MACC1: variants seen among roughly 807,000 people sequenced by gnomAD.
MACC1 encodes MET transcriptional regulator MACC1.
A neutral mutation model predicts 70.7 loss-of-function variants in MACC1; 79 were observed. The observed-to-expected ratio is 1.12, with a 90% CI of 0.93 to 1.35. The LOEUF (loss-of-function observed/expected upper bound fraction) is 1.35. MACC1 is among the 40% of genes most tolerant of loss of function. MACC1 has a pLI of 0.00. For missense variants in MACC1, 1,106 were observed against 978.1 expected, an observed-to-expected ratio of 1.13 and a Z score of -1.74; for synonymous variants, 361 against 347.2, an observed-to-expected ratio of 1.04 and a Z score of -0.44.
At chr7:20,155,202 C>T (rs910053061) in intron 5 of MACC1, among the ~76,000 whole-genome samples, 31 of 152,158 alleles carry the variant, frequency 2.0e-4, no homozygotes, top group African/African-American at 6.5e-4. Flanking sequence ...TTCAAATGAG[C>T]AAATAGAGTA....
intron 5 of MACC1, among the ~76,000 whole-genome samples, chr7:20,158,000 T>G (rs1281027996): frequency 1.3e-5 from 2 of 152,180 alleles, no homozygotes; most frequent in Non-Finnish European, 2.9e-5. Context: ...TCCTGGTTTT[T>G]GGGGAAATCA....
intron 5 of MACC1, among the ~76,000 whole-genome samples, chr7:20,154,771 T>C (rs944035159): frequency 3.9e-4 from 60 of 152,222 alleles, no homozygotes; most frequent in African/African-American, 1.4e-3. Context: ...TCACAAGAAA[T>C]AAAGCCTCGT....
intron 1 of MACC1, among the ~76,000 whole-genome samples, chr7:20,196,802 T>C (rs1782761527): frequency 1.3e-5 from 2 of 151,896 alleles, no homozygotes; most frequent in Admixed American, 1.3e-4. Context: ...AAAAATAAGG[T>C]TGAAAAATAA....
At chr7:20,194,757 A>G (rs776394900) in intron 1 of MACC1, among the ~76,000 whole-genome samples, 25 of 152,244 alleles carry the variant, frequency 1.6e-4, no homozygotes, top group Non-Finnish European at 2.6e-4. Context: ...AGCCATCTCA[A>G]TACTAAAAGA....
At chr7:20,169,479 A>C (rs1370112518) in intron 2 of MACC1, among the ~76,000 whole-genome samples, 1 of 152,174 alleles carries the variant, frequency 6.6e-6, no homozygotes, top group East Asian at 1.9e-4. Flanking sequence ...TAAAGCTGTA[A>C]CTGTAGGGTC....
At chr7:20,202,632 A>T (rs1782849430) in intron 1 of MACC1, among the ~76,000 whole-genome samples, 1 of 152,216 alleles carries the variant, frequency 6.6e-6, no homozygotes, top group African/African-American at 2.4e-5. Flanking sequence ...GAGAACCAAA[A>T]ACTTTTTGAT....
At chr7:20,162,017 G>A (rs1025723272) in intron 3 of MACC1, 147 bp from the exon 4 acceptor site, 4 of 531,284 alleles carry the variant, frequency 7.5e-6, no homozygotes, top group African/African-American at 3.8e-5. Flanking sequence ...TAGGATACTC[G>A]ACTAGATATA....
chr7:20,206,141 T>TG (rs1032994400), intron 1 of MACC1, among the ~76,000 whole-genome samples: 1 of 151,600 alleles, frequency 6.6e-6, no homozygotes, highest in African/African-American at 2.4e-5. Context: ...GTGCCTGCCT[T>TG]GGGTTAGCCT....
intron 1 of MACC1, among the ~76,000 whole-genome samples, chr7:20,171,281 T>C (rs557210252): frequency 6.6e-6 from 1 of 151,606 alleles, no homozygotes; most frequent in Admixed American, 6.6e-5. Context: ...AGGTGGAGTC[T>C]TGCTCTGTCG....
chr7:20,195,625 CA>C (rs1782739091), intron 1 of MACC1, among the ~76,000 whole-genome samples: 1 of 152,140 alleles, frequency 6.6e-6, no homozygotes, highest in South Asian at 2.1e-4. Flanking sequence ...TTTTAGGACA[CA>C]AAGGCACACA....
chr7:20,154,638 C>A (rs1002627339), intron 5 of MACC1, among the ~76,000 whole-genome samples: 1 of 152,056 alleles, frequency 6.6e-6, no homozygotes, highest in Non-Finnish European at 1.5e-5. Flanking sequence ...TTGGATAAAC[C>A]ACTTAACTAA....
rs3735615 is a variant in MACC1, at chr7:20,141,094, C to G, written c.2411G>C (p.Arg804Thr). ...TGACTGAAGGTCTTGTAACACATCT[C>G]TGTAGTTATTTCCATAGTGAGCACT... The part of the protein sequence containing the change: ...TWSAHYGNNY[R>T]DVLQDLQSAL... The change falls in exon 7 of 7, where the codon AGA (arginine) becomes ACA (threonine). Residue 804 changes from arginine to threonine, a missense_variant. By Grantham distance (71) the Arg-to-Thr change is moderately conservative (BLOSUM62 -1). Transcript: ENST00000400331. 0.58 allele frequency: 939,427 copies of G among 1,611,950 alleles called. 278,179 individuals are homozygous for G. Among genetic ancestry groups the G allele is most frequent in the East Asian group, 0.85 (38,193 of 44,864 alleles).
In MACC1 at chr7:20,175,803, T is replaced by C. The variant is rs1782382336; in HGVS notation, c.-217-5025A>G. Among the ~76,000 whole-genome samples, 3 of 152,148 alleles carry C rather than the reference T, an allele frequency of 2.0e-5. No homozygotes were observed. In the South Asian group the frequency reaches 6.2e-4, roughly 31 times the overall value. On this transcript the variant is annotated intron_variant, in intron 1 of 6. Transcript: ENST00000400331. ...TCTTGGCCCCAGTGATAAAACCTAA[T>C]GCTAATATGTTTGCTGACGGTGAAG...
intron 5 of MACC1, 67 bp downstream of exon 5, chr7:20,158,137 T>A: frequency 6.7e-7 from 1 of 1,496,628 alleles, no homozygotes; most frequent in Non-Finnish European, 8.9e-7. Flanking sequence ...ACATGTTCAG[T>A]TATAAATATT....
chr7:20,141,371 A>G (rs1664382164), intron 6 of MACC1, among the ~76,000 whole-genome samples: 1 of 152,322 alleles, frequency 6.6e-6, no homozygotes, highest in East Asian at 1.9e-4. Context: ...TTTTAAAAAT[A>G]ATAACTACAA....
At chr7:20,209,625 T>C (rs1434429259) in intron 1 of MACC1, among the ~76,000 whole-genome samples, 1 of 152,230 alleles carries the variant, frequency 6.6e-6, no homozygotes, top group African/African-American at 2.4e-5. Flanking sequence ...TGCCTTGTCT[T>C]AGATGAGACT....
rs369966793 is a variant in MACC1 at position 20,161,879 on chromosome 7, T to A, written c.-8-9A>T. On this transcript the variant is annotated splice_polypyrimidine_tract_variant and intron_variant, in intron 3 of 6. Transcript: ENST00000400331. Reference sequence around the variant, plus strand: ...GATTAGCATTTTTCCACCTACAAAGTAAATAGATAAGTATTTTTTGTAAGC... The same window carrying A: ...GATTAGCATTTTTCCACCTACAAAGAAAATAGATAAGTATTTTTTGTAAGC... The A allele has an allele frequency of 1.9e-5, 29 of 1,499,256 alleles. No homozygotes were observed. The highest frequency in any genetic ancestry group is 2.6e-5 in the Non-Finnish European group (28 of 1,076,304). 92.9% of individuals were successfully genotyped at this position (1,499,256 alleles called of 1,614,324 possible). A position where few individuals can be genotyped will look rare whatever the true frequency, so the allele number is the denominator to read the frequency against.
rs1029129760 is a variant in MACC1 at position 20,154,081 on chromosome 7, A to G, written c.2346+112T>C. The G allele has an allele frequency of 2.8e-6, 3 of 1,065,238 alleles. No homozygotes were observed. In the African/African-American group the frequency reaches 4.7e-5, roughly 17 times the overall value. 66.0% of individuals were successfully genotyped at this position (1,065,238 alleles called of 1,614,324 possible). On this transcript the variant is annotated intron_variant, in intron 6 of 6. Transcript: ENST00000400331. ...ACTAGTGCAGTGATTCAGTTAGTGG[A>G]TCATCTTGGACATTCCCCCAGTGAA... is the stretch of plus-strand genomic sequence containing the variant.
At chr7:20,209,440 A>G (rs2128109289) in intron 1 of MACC1, among the ~76,000 whole-genome samples, 1 of 152,352 alleles carries the variant, frequency 6.6e-6, no homozygotes, top group South Asian at 2.1e-4. Context: ...CTGGAACTTT[A>G]TGGGTTAATG....
Sources: allele counts gnomAD v4.1 joint callset (sites outside exome capture counted in the v4.1 genomes callset), GRCh38; gene constraint gnomAD v4.1.1; transcripts MANE v1.5; gene names NCBI Gene and HGNC (gene_info 2026-07-23, HGNC 2026-07-21).